TFDP1: variants seen among roughly 807,000 people sequenced by gnomAD.
TFDP1 encodes transcription factor Dp-1, also known as DRTF1-polypeptide 1.
In TFDP1, 6 loss-of-function variants were observed where a neutral mutation model predicts 48.0. That is an observed-to-expected ratio of 0.13 (90% confidence interval 0.07 to 0.25). TFDP1 has a LOEUF of 0.25. TFDP1 is among the 10% of genes least tolerant of loss of function. TFDP1 has a pLI of 1.00. For missense variants in TFDP1, 335 were observed against 543.0 expected (o/e 0.62, Z 3.81); for synonymous variants, 201 against 211.6 (o/e 0.95, Z 0.44).
chr13:113,609,173 C>CTGG (rs1394240496), intron 2 of TFDP1, among the ~76,000 whole-genome samples: 1 of 152,248 alleles, frequency 6.6e-6, no homozygotes, highest in Non-Finnish European at 1.5e-5. Flanking sequence ...CAGGTTCTTG[C>CTGG]TCCACGGCTC....
chr13:113,633,817 C>A lies in TFDP1; in HGVS notation c.475-73C>A, dbSNP rs2049401392. 1.3e-6 allele frequency: 2 copies of A among 1,533,234 alleles called. No homozygotes were observed. The highest frequency in any genetic ancestry group is 2.8e-5 in the African/African-American group (2 of 72,542). The allele number at this position is 1,533,234 out of a possible 1,614,324, so 95.0% of individuals were successfully genotyped here. A position where few individuals can be genotyped will look rare whatever the true frequency, so the allele number is the denominator to read the frequency against. ...AGCGGGGTGCCCCTTTGAGCCAGTGCCCATGGTCTACAGTTTAAGGATCCA... is the reference window on the plus strand; with the variant it reads ...AGCGGGGTGCCCCTTTGAGCCAGTGACCATGGTCTACAGTTTAAGGATCCA... On this transcript the variant is annotated intron_variant, in intron 6 of 11. Transcript: ENST00000375370. The surrounding 1 kb of genome is among the most constrained non-coding windows in gnomAD (Gnocchi z 4.5).
chr13:113,637,704 G>A (rs778612890), intron 10 of TFDP1, 114 bp from the exon 11 acceptor site: 35 of 1,582,568 alleles, frequency 2.2e-5, no homozygotes, highest in African/African-American at 1.6e-4. Context: ...AAGGATATCC[G>A]GAAGCTTCTA....
Position 113,585,804 on chromosome 13 carries a change from A to C in TFDP1, c.-34A>C, listed in dbSNP as rs377460213. ...TCATTTTTCTTCTCTGGGAAGGTGA[A>C]CATTTGTAGCATTGATTTCCCGGAT... is the stretch of plus-strand genomic sequence containing the variant. On this transcript the variant is annotated 5_prime_UTR_variant, in exon 2 of 12. Transcript: ENST00000375370. 1.6e-4 allele frequency: 254 copies of C among 1,574,072 alleles called. No homozygotes were observed. Among genetic ancestry groups the C allele is most frequent in the Non-Finnish European group, 2.1e-4 (247 of 1,151,138 alleles).
In TFDP1 at chr13:113,607,302, C is replaced by T. The variant is rs2048594761; in HGVS notation, c.13-3694C>T. ...AGGGGCCAGCCGTGAGCTGCGGGTG[C>T]TTGCCAGGGATCTGGTGACACCTGG... On this transcript the variant is annotated intron_variant, in intron 2 of 11. Coordinates refer to ENST00000375370, the MANE Select transcript of TFDP1 (RefSeq NM_007111.5). This position sits in a 1 kb window ranked among gnomAD's most constrained non-coding sequence, Gnocchi z 5.2. Among the ~76,000 whole-genome samples the T allele has an allele frequency of 6.6e-6, 1 of 152,268 alleles. No homozygotes were observed. The highest frequency in any genetic ancestry group is 2.1e-4 in the South Asian group (1 of 4,834).
At chr13:113,634,211 A>G (rs773773953) in intron 7 of TFDP1, 178 bp downstream of exon 7, 3 of 883,478 alleles carry the variant, frequency 3.4e-6, no homozygotes, top group Non-Finnish European at 5.5e-6. Flanking sequence ...GGGAGGGAGC[A>G]TGGTTGGCCC....
chr13:113,608,478 C>A (rs1370573900), intron 2 of TFDP1, among the ~76,000 whole-genome samples: 3 of 152,204 alleles, frequency 2.0e-5, no homozygotes, highest in East Asian at 1.9e-4. Flanking sequence ...CTCCGTCAGA[C>A]CCCCAGCAGG....
At chr13:113,604,917 G>A (rs1250276418) in intron 2 of TFDP1, among the ~76,000 whole-genome samples, 1 of 152,228 alleles carries the variant, frequency 6.6e-6, no homozygotes, top group Non-Finnish European at 1.5e-5. Flanking sequence ...TGGAGCCCAT[G>A]TGAGGAGGTT....
In TFDP1 at chr13:113,611,010, A is replaced by G; in HGVS notation, c.27A>G (p.Glu9=). The G allele has an allele frequency of 6.2e-7, 1 of 1,614,136 alleles. No individual in the cohort carries two copies. The highest frequency in any genetic ancestry group is 8.5e-7 in the Non-Finnish European group (1 of 1,180,020). The part of the protein sequence containing the change: MAKDAGLI[E]ANGELKVFID... ...GCTTTCCGCAGGCCGGTCTAATTGAAGCCAACGGAGAACTCAAGGTCTTCA... is the reference window on the plus strand; with the variant it reads ...GCTTTCCGCAGGCCGGTCTAATTGAGGCCAACGGAGAACTCAAGGTCTTCA... The change falls in exon 3 of 12, where the codon GAA becomes GAG. Residue 9 remains glutamate (E), a synonymous_variant. Coordinates refer to ENST00000375370, the MANE Select transcript of TFDP1 (RefSeq NM_007111.5).
Position 113,633,477 on chromosome 13 carries a change from G to T in TFDP1, c.474+192G>T, listed in dbSNP as rs1391667852. ...CTGGGGTGGCGGAGCCCAGCGGTGT[G>T]GTACGTTTCGCTCTTTTAATATCGG... On this transcript the variant is annotated intron_variant, in intron 6 of 11. Coordinates refer to ENST00000375370, the MANE Select transcript of TFDP1 (RefSeq NM_007111.5). This position sits in a 1 kb window ranked among gnomAD's most constrained non-coding sequence, Gnocchi z 4.5. 6.6e-6 allele frequency among the ~76,000 whole-genome samples: 1 copy of T among 152,124 alleles called. No individual in the cohort carries two copies. Among genetic ancestry groups the T allele is most frequent in the Non-Finnish European group, 1.5e-5 (1 of 68,020 alleles).
At chr13:113,608,471 C>T (rs1177415049) in intron 2 of TFDP1, among the ~76,000 whole-genome samples, 1 of 152,200 alleles carries the variant, frequency 6.6e-6, no homozygotes, top group Non-Finnish European at 1.5e-5. Flanking sequence ...GGACTTGCTC[C>T]GTCAGACCCC....
At chr13:113,620,900 C>G (rs2048979618) in intron 3 of TFDP1, among the ~76,000 whole-genome samples, 1 of 152,196 alleles carries the variant, frequency 6.6e-6, no homozygotes. Context: ...CCAGTTGAAT[C>G]AAAAGGCAAA....
intron 2 of TFDP1, among the ~76,000 whole-genome samples, chr13:113,587,250 T>C (rs1428576193): frequency 1.3e-5 from 2 of 151,838 alleles, no homozygotes; most frequent in South Asian, 2.1e-4. Flanking sequence ...CTCCATCCAG[T>C]GTGGGCACCT....
At chr13:113,629,192 G>T (rs1401662033) in intron 4 of TFDP1, among the ~76,000 whole-genome samples, 1 of 152,224 alleles carries the variant, frequency 6.6e-6, no homozygotes, top group African/African-American at 2.4e-5. Flanking sequence ...AGGCACCCTT[G>T]CCCAGCACTG....
At chr13:113,614,323 A>G (rs2048803359) in intron 3 of TFDP1, among the ~76,000 whole-genome samples, 1 of 152,142 alleles carries the variant, frequency 6.6e-6, no homozygotes, top group Non-Finnish European at 1.5e-5. Context: ...ACCTGTCTTC[A>G]CTAGTGGGCC....
intron 2 of TFDP1, among the ~76,000 whole-genome samples, chr13:113,597,153 C>T (rs896761666): frequency 2.0e-5 from 3 of 152,288 alleles, no homozygotes; most frequent in Admixed American, 1.3e-4. Context: ...TCACTCTGTC[C>T]TTGGATGACT....
intron 2 of TFDP1, among the ~76,000 whole-genome samples, chr13:113,586,456 G>T (rs1477062840): frequency 6.6e-6 from 1 of 152,188 alleles, no homozygotes; most frequent in African/African-American, 2.4e-5. Flanking sequence ...ATTTTTTAAA[G>T]CCAGAAATTT....
intron 3 of TFDP1, among the ~76,000 whole-genome samples, chr13:113,612,370 T>A (rs1365283545): frequency 6.6e-6 from 1 of 152,234 alleles, no homozygotes; most frequent in East Asian, 1.9e-4. Flanking sequence ...GGACTGGCCC[T>A]GCTCTTCTGC....
Position 113,636,420 on chromosome 13 carries a change from G to T in TFDP1, c.840-114G>T, listed in dbSNP as rs948645710. On this transcript the variant is annotated intron_variant, in intron 9 of 11. Transcript: ENST00000375370. ...ATTCTGTGAGGAGACACTGATGACT[G>T]GGAACCGGGAAGCTGTGTGTGGCGG... is the stretch of plus-strand genomic sequence containing the variant. 9.8e-6 allele frequency: 12 copies of T among 1,224,170 alleles called. No individual in the cohort carries two copies. In the African/African-American group the frequency reaches 1.8e-4, roughly 19 times the overall value. The allele number at this position is 1,224,170 out of a possible 1,614,324, so 75.8% of individuals were successfully genotyped here.
chr13:113,611,681 TC>T (rs1272394189), intron 3 of TFDP1, among the ~76,000 whole-genome samples: 2 of 152,220 alleles, frequency 1.3e-5, no homozygotes, highest in Non-Finnish European at 2.9e-5. Context: ...CCTGGTTACT[TC>T]CTGGGTAAAC....
Sources: gnomAD v4.1 joint callset for allele counts (sites outside exome capture counted in the v4.1 genomes callset) on GRCh38, gnomAD v4.1.1 for gene constraint, Gnocchi (gnomAD v3.1) non-coding constraint, MANE v1.5 for transcripts, NCBI Gene and HGNC (gene_info 2026-07-23, HGNC 2026-07-21) for gene names.